The following PTPRM variants were observed in gnomAD, a reference collection of about 807,000 sequenced individuals.
PTPRM encodes receptor-type tyrosine-protein phosphatase mu.
PTPRM carries 47 observed loss-of-function variants against 186.7 expected under a neutral mutation model. The observed-to-expected ratio is 0.25, with a 90% confidence interval of 0.20 to 0.32. The LOEUF is 0.32. Among genes scored for constraint, PTPRM ranks in the 10% least tolerant of loss-of-function variants. The probability of loss-of-function intolerance (pLI) is 1.00; values close to 1 mark genes in which losing one functional copy is unlikely to be tolerated. For missense variants in PTPRM, 1,494 were observed against 1,865.0 expected (o/e 0.80, Z 3.66); for synonymous variants, 668 against 674.9 (o/e 0.99, Z 0.16).
At chr18:7,861,000 GAGAA>G (rs988956033) in intron 2 of PTPRM, among the ~76,000 whole-genome samples, 2 of 152,120 alleles carry the variant, frequency 1.3e-5, no homozygotes, top group African/African-American at 4.8e-5. Context: ...TTCTTCCACT[GAGAA>G]AGAAGCCATT....
At chr18:7,888,616 C>A (rs565464735) in intron 3 of PTPRM, among the ~76,000 whole-genome samples, 4 of 152,258 alleles carry the variant, frequency 2.6e-5, no homozygotes, top group Admixed American at 6.5e-5. Context: ...ACCCAGCAAT[C>A]CCATTACTGG....
intron 2 of PTPRM, among the ~76,000 whole-genome samples, chr18:7,787,525 A>G (rs909400494): frequency 6.6e-6 from 1 of 152,206 alleles, no homozygotes; most frequent in Non-Finnish European, 1.5e-5. Flanking sequence ...ATGAGAGTCA[A>G]GGTGTTCTCT....
intron 1 of PTPRM, among the ~76,000 whole-genome samples, chr18:7,706,601 CAAAAAAAA>C (rs766639399): frequency 5.6e-4 from 9 of 16,130 alleles, no homozygotes; most frequent in Non-Finnish European, 8.9e-4. Flanking sequence ...GACCTTGTCT[CAAAAAAAA>C]AAAAAAAAAA....
intron 14 of PTPRM, among the ~76,000 whole-genome samples, chr18:8,165,903 G>T (rs2093316743): frequency 6.6e-6 from 1 of 152,134 alleles, no homozygotes; most frequent in Non-Finnish European, 1.5e-5. Flanking sequence ...TTCAGCATTT[G>T]CTACCTAACA....
intron 7 of PTPRM, among the ~76,000 whole-genome samples, chr18:7,981,420 A>G (rs2082544856): frequency 6.6e-6 from 1 of 152,172 alleles, no homozygotes; most frequent in South Asian, 2.1e-4. Flanking sequence ...AGTCTGCATT[A>G]GTAGTGCCTA....
intron 24 of PTPRM, among the ~76,000 whole-genome samples, chr18:8,371,595 C>A (rs1445786065): frequency 6.6e-6 from 1 of 152,164 alleles, no homozygotes; most frequent in Non-Finnish European, 1.5e-5. Context: ...ATGCTCACTC[C>A]CATACTGGTT....
chr18:7,574,992 A>G (rs957472471), intron 1 of PTPRM, among the ~76,000 whole-genome samples: 13 of 152,218 alleles, frequency 8.5e-5, no homozygotes, highest in African/African-American at 2.9e-4. Flanking sequence ...AGATCGCGCC[A>G]CTGCACTCCA....
At chr18:7,713,592 C>G (rs112865904) in intron 1 of PTPRM, among the ~76,000 whole-genome samples, 15 of 151,682 alleles carry the variant, frequency 9.9e-5, no homozygotes, top group African/African-American at 2.9e-4. Flanking sequence ...GATAAAGAGT[C>G]AAGACCCATC....
chr18:7,798,317 T>C lies in PTPRM; in HGVS notation c.196+24046T>C, dbSNP rs371701335. Among the ~76,000 whole-genome samples the C allele has an allele frequency of 1.6e-4, 25 of 152,080 alleles. No homozygotes were observed. In the East Asian group the frequency reaches 4.7e-3, roughly 28 times the overall value. On this transcript the variant is annotated intron_variant, in intron 2 of 32. Transcript: ENST00000580170. ...AGGCCGGGGTGGGCAGATCACAGGG[T>C]CAGGAGTTCGAGACCAACCTTGCCA...
Position 8,232,877 on chromosome 18 carries a change from C to G in PTPRM, c.2301-11181C>G, listed in dbSNP as rs144747415. On this transcript the variant is annotated intron_variant, in intron 14 of 32. Coordinates refer to ENST00000580170, the MANE Select transcript of PTPRM (RefSeq NM_001105244.2). ...ACAAGGGCCCTGAGCTGTACACAGC[C>G]TTCCATATTTATTAGGCAAAAGAGA... Among the ~76,000 whole-genome samples, 375 of 152,242 alleles carry G rather than the reference C, an allele frequency of 2.5e-3. 1 individual carries two copies. Among genetic ancestry groups the G allele is most frequent in the African/African-American group, 8.0e-3 (332 of 41,548 alleles).
chr18:8,139,004 C>T (rs889099637), intron 13 of PTPRM, among the ~76,000 whole-genome samples: 8 of 152,066 alleles, frequency 5.3e-5, no homozygotes, highest in African/African-American at 1.7e-4. Context: ...AAGTGTCCCC[C>T]GGCCGACTCA....
intron 14 of PTPRM, among the ~76,000 whole-genome samples, chr18:8,219,747 T>G (rs1440877456): frequency 1.3e-5 from 2 of 152,190 alleles, no homozygotes; most frequent in Admixed American, 6.5e-5. Flanking sequence ...GTCTAAAAAC[T>G]TGGAGTTAGC....
chr18:8,311,789 A>C (rs2095270522), intron 20 of PTPRM, among the ~76,000 whole-genome samples: 1 of 152,102 alleles, frequency 6.6e-6, no homozygotes, highest in Non-Finnish European at 1.5e-5. Flanking sequence ...ATGATGGTAA[A>C]ACTCTACTTC....
At chr18:7,835,663 G>A (rs1361672911) in intron 2 of PTPRM, among the ~76,000 whole-genome samples, 1 of 152,018 alleles carries the variant, frequency 6.6e-6, no homozygotes, top group Non-Finnish European at 1.5e-5. Flanking sequence ...CTGAAAGTGG[G>A]ATGTTGATAT....
intron 14 of PTPRM, among the ~76,000 whole-genome samples, chr18:8,189,508 A>AT (rs1398925506): frequency 2.0e-5 from 3 of 152,270 alleles, no homozygotes; most frequent in Non-Finnish European, 4.4e-5. Context: ...AATTAAGCCT[A>AT]TTTTGTTTTA....
At chr18:8,121,370 T>A (rs1053243677) in intron 13 of PTPRM, among the ~76,000 whole-genome samples, 5 of 152,202 alleles carry the variant, frequency 3.3e-5, no homozygotes, top group African/African-American at 1.2e-4. Context: ...TGTAAGCCTG[T>A]CCTTAATTTT....
intron 1 of PTPRM, among the ~76,000 whole-genome samples, chr18:7,655,832 A>G (rs2038833283): frequency 6.6e-6 from 1 of 152,208 alleles, no homozygotes; most frequent in Non-Finnish European, 1.5e-5. Flanking sequence ...CATTTTCGAA[A>G]AGGCAAAACT....
chr18:7,633,507 T>A (rs1263435181), intron 1 of PTPRM, among the ~76,000 whole-genome samples: 1 of 152,144 alleles, frequency 6.6e-6, no homozygotes, highest in African/African-American at 2.4e-5. Flanking sequence ...TTCCATCTTC[T>A]TAGCATCATG....
chr18:8,256,286 G>A (rs1480455229), intron 19 of PTPRM, among the ~76,000 whole-genome samples: 3 of 152,174 alleles, frequency 2.0e-5, no homozygotes, highest in Admixed American at 2.0e-4. Context: ...CCGACTGCCT[G>A]TATTCAAACT....
Sources: gnomAD v4.1 joint callset for allele counts (sites outside exome capture counted in the v4.1 genomes callset) on GRCh38, gnomAD v4.1.1 for gene constraint, MANE v1.5 for transcripts, NCBI Gene and HGNC (gene_info 2026-07-23, HGNC 2026-07-21) for gene names.